Variants in AADACL2 observed in about 807,000 individuals in gnomAD.
The protein encoded by AADACL2 is arylacetamide deacetylase like 2, also known as arylacetamide deacetylase-like 2.
A neutral mutation model predicts 22.3 loss-of-function variants in AADACL2; 23 were observed. The ratio of observed to expected loss-of-function variants is 1.03; its 90% confidence interval spans 0.74 to 1.46. The LOEUF is 1.46. Ranked by LOEUF, AADACL2 falls within the 40% of genes most tolerant of loss-of-function variation. The pLI is 0.00. For synonymous variants in AADACL2, 177 were observed against 166.2 expected (o/e 1.07, Z -0.50); for missense variants, 472 against 482.9 (o/e 0.98, Z 0.21).
At chr3:151,742,383 A>T (rs984281645) in intron 2 of AADACL2, among the ~76,000 whole-genome samples, 3 of 152,248 alleles carry the variant, frequency 2.0e-5, no homozygotes, top group Non-Finnish European at 4.4e-5. Flanking sequence ...AGATTATATC[A>T]GCAAATATTC....
chr3:151,742,787 A>G (rs1713321627), intron 2 of AADACL2, among the ~76,000 whole-genome samples: 1 of 152,150 alleles, frequency 6.6e-6, no homozygotes, highest in South Asian at 2.1e-4. Flanking sequence ...GCGGTATCTA[A>G]CAGACTTTTG....
intron 1 of AADACL2, 149 bp downstream of exon 1, chr3:151,734,322 G>A (rs1025239251): frequency 1.8e-5 from 17 of 948,438 alleles, no homozygotes; most frequent in Non-Finnish European, 2.4e-5. Flanking sequence ...ACAACATTAA[G>A]TAAATAAAAC....
chr3:151,736,793 A>G (rs1224938635), intron 1 of AADACL2, among the ~76,000 whole-genome samples: 1 of 152,226 alleles, frequency 6.6e-6, no homozygotes, highest in African/African-American at 2.4e-5. Flanking sequence ...ATATGTATGC[A>G]TGTGTCATTA....
chr3:151,755,813 C>T (rs78978001), intron 4 of AADACL2, among the ~76,000 whole-genome samples: 1,549 of 151,986 alleles, frequency 0.01, 13 homozygotes, highest in Middle Eastern at 0.017. Context: ...CCTAGATTAG[C>T]GAGATTGAGA....
chr3:151,750,747 A>G (rs965179323), intron 4 of AADACL2, among the ~76,000 whole-genome samples: 3 of 152,224 alleles, frequency 2.0e-5, no homozygotes, highest in Non-Finnish European at 4.4e-5. Flanking sequence ...GAAGAAGTTT[A>G]TATACATACA....
chr3:151,740,905 C>G (rs769182769), intron 2 of AADACL2, 37 bp downstream of exon 2: 2 of 1,571,704 alleles, frequency 1.3e-6, no homozygotes, highest in East Asian at 4.5e-5. Flanking sequence ...GTAGCTAGCT[C>G]TACATTTTTG....
chr3:151,743,243 T>G (rs1173956264), intron 2 of AADACL2, among the ~76,000 whole-genome samples: 1 of 152,186 alleles, frequency 6.6e-6, no homozygotes, highest in African/African-American at 2.4e-5. Flanking sequence ...TAGTTTTCAC[T>G]TTGCAGTTTT....
At position 151,734,155 on chromosome 3, in the gene AADACL2, T is replaced by C; in HGVS notation, c.120T>C (p.Ala40=). 1 of 1,613,326 alleles carries C rather than the reference T, an allele frequency of 6.2e-7. No individual in the cohort carries two copies. Residue 40 remains alanine, a synonymous_variant, in exon 1 of 5, where the codon GCT becomes GCC. Transcript: ENST00000356517. ...SWKIMALDAI[A]KTCTFTAMCF... ...AAATAATGGCCTTGGATGCCATCGC[T>C]AAAACTTGTACATTTACGGTAAGGT...
rs1714010558 is a variant in AADACL2, at chr3:151,758,076, G to A, written c.*482G>A. The A allele has an allele frequency of 6.5e-6, 1 of 153,492 alleles. No homozygotes were observed. The allele number at this position is 153,492 out of a possible 1,614,324, so 9.5% of individuals were successfully genotyped here. Reference sequence around the variant, plus strand: ...ACAAATTCAGTCGCTTTAAACAACAGATATTTATTCTTTTACAGTTCTGGG... The same window carrying A: ...ACAAATTCAGTCGCTTTAAACAACAAATATTTATTCTTTTACAGTTCTGGG... On this transcript the variant is annotated 3_prime_UTR_variant, in exon 5 of 5. Transcript: ENST00000356517.
chr3:151,756,600 T>C (rs964587225), intron 4 of AADACL2, among the ~76,000 whole-genome samples: 2 of 152,002 alleles, frequency 1.3e-5, no homozygotes, highest in Non-Finnish European at 2.9e-5. Flanking sequence ...GTTACTTTAT[T>C]TAAGAAGGAT....
At position 151,757,626 on chromosome 3, in the gene AADACL2, G is replaced by A; in HGVS notation, c.*32G>A. On this transcript the variant is annotated 3_prime_UTR_variant, in exon 5 of 5. Coordinates refer to ENST00000356517, the MANE Select transcript of AADACL2 (RefSeq NM_207365.4). ...GATGTGTATGTATAGCCCTTACATAGTGGATTGTAATTTGTGATATTTTGT... is the reference window on the plus strand; with the variant it reads ...GATGTGTATGTATAGCCCTTACATAATGGATTGTAATTTGTGATATTTTGT... 6.5e-7 allele frequency: 1 copy of A among 1,547,970 alleles called. No homozygotes were observed. Among genetic ancestry groups the A allele is most frequent in the Non-Finnish European group, 8.7e-7 (1 of 1,147,788 alleles).
At chr3:151,755,166 T>C (rs1007062365) in intron 4 of AADACL2, 1 of 152,154 alleles carries the variant, frequency 6.6e-6, no homozygotes, top group Non-Finnish European at 1.5e-5. Context: ...TATTATAGTT[T>C]TTAATATTAT....
intron 1 of AADACL2, among the ~76,000 whole-genome samples, chr3:151,737,100 G>A (rs1445273159): frequency 6.6e-6 from 1 of 152,110 alleles, no homozygotes; most frequent in Non-Finnish European, 1.5e-5. Flanking sequence ...GCCATTTAGT[G>A]GTATAAATTT....
intron 4 of AADACL2, among the ~76,000 whole-genome samples, 185 bp downstream of exon 4, chr3:151,745,865 A>G (rs1206292166): frequency 6.6e-6 from 1 of 152,012 alleles, no homozygotes; most frequent in Non-Finnish European, 1.5e-5. Context: ...TGTTCCATTG[A>G]TCTACATGTC....
At position 151,757,736 on chromosome 3, in the gene AADACL2, A is replaced by G. The variant is rs1228147492; in HGVS notation, c.*142A>G. 2 of 1,085,480 alleles carry G rather than the reference A, an allele frequency of 1.8e-6. No homozygotes were observed. The highest frequency in any genetic ancestry group is 3.9e-5 in the South Asian group (2 of 51,058). The allele number at this position is 1,085,480 out of a possible 1,614,324, so 67.2% of individuals were successfully genotyped here. Reference sequence around the variant, plus strand: ...TAGCAGTTAATGTGTGTCCTTGAAGAGTTATTAAATTTTCTGACTTGCAGA... The same window carrying G: ...TAGCAGTTAATGTGTGTCCTTGAAGGGTTATTAAATTTTCTGACTTGCAGA... On this transcript the variant is annotated 3_prime_UTR_variant, in exon 5 of 5. Coordinates refer to ENST00000356517, the MANE Select transcript of AADACL2 (RefSeq NM_207365.4).
chr3:151,750,812 T>C (rs532038352), intron 4 of AADACL2, among the ~76,000 whole-genome samples: 21 of 152,210 alleles, frequency 1.4e-4, no homozygotes, highest in African/African-American at 5.1e-4. Flanking sequence ...TAAGTATATA[T>C]GCACATACAT....
chr3:151,734,136 T>C lies in AADACL2; in HGVS notation c.101T>C (p.Met34Thr), dbSNP rs1251173639. The change falls in exon 1 of 5, where the codon ATG becomes ACG. Residue 34 changes from methionine (M) to threonine (T), a missense_variant. Around this residue, in one of 3 missense-constraint regions of AADACL2, gnomAD observed 356 missense variants for 365.5 expected, o/e 0.97. Coordinates refer to ENST00000356517, the MANE Select transcript of AADACL2 (RefSeq NM_207365.4). The stretch of plus-strand genomic sequence containing the variant: ...AACATTGAAGAAAGCTGGAAAATAA[T>C]GGCCTTGGATGCCATCGCTAAAACT... ...PDNIEESWKIMALDAIAKTCT... is the reference protein window; with the variant it reads ...PDNIEESWKITALDAIAKTCT... 2 of 1,613,586 alleles carry C rather than the reference T, an allele frequency of 1.2e-6. No individual in the cohort carries two copies. The highest frequency in any genetic ancestry group is 1.7e-4 in the Middle Eastern group (1 of 6,054).
Position 151,760,235 on chromosome 3 carries a change from T to C in AADACL2, c.*2641T>C, listed in dbSNP as rs1431388517. 2 of 152,194 alleles carry C rather than the reference T, an allele frequency of 1.3e-5. No homozygotes were observed. The highest frequency in any genetic ancestry group is 4.1e-4 in the South Asian group (2 of 4,834). 9.4% of individuals were successfully genotyped at this position (152,194 alleles called of 1,614,324 possible). On this transcript the variant is annotated 3_prime_UTR_variant, in exon 5 of 5. Coordinates refer to ENST00000356517, the MANE Select transcript of AADACL2 (RefSeq NM_207365.4). ...TAGGGGAAGACTTGATTACACCCCA[T>C]GGCATTACAGCTAAAAATTCCAACG...
At chr3:151,756,593 A>C (rs1169064513) in intron 4 of AADACL2, among the ~76,000 whole-genome samples, 1 of 151,946 alleles carries the variant, frequency 6.6e-6, no homozygotes, top group African/African-American at 2.4e-5. Flanking sequence ...CACTCTGGTT[A>C]CTTTATTTAA....
Sources: allele counts gnomAD v4.1 joint callset (sites outside exome capture counted in the v4.1 genomes callset), GRCh38; gene constraint gnomAD v4.1.1; regional missense constraint gnomAD v4.1.1; transcripts MANE v1.5; gene names NCBI Gene and HGNC (gene_info 2026-07-23, HGNC 2026-07-21).